The following GNG7 variants were observed in gnomAD, a reference collection of about 807,000 sequenced individuals.
GNG7 encodes the protein guanine nucleotide-binding protein G(I)/G(S)/G(O) subunit gamma-7.
In GNG7, 1 loss-of-function variant was observed where a neutral mutation model predicts 4.0. The observed-to-expected ratio is 0.25, with a 90% CI of 0.09 to 1.18. The LOEUF (loss-of-function observed/expected upper bound fraction) is 1.18. Among genes scored for constraint, GNG7 ranks in the 50% most tolerant of loss-of-function variants. The pLI is 0.50. For missense variants in GNG7, 86 were observed against 91.9 expected (o/e 0.94, Z 0.26); for synonymous variants, 34 against 36.9 (o/e 0.92, Z 0.29).
chr19:2,570,831 T>C (rs1457812237), intron 2 of GNG7, among the ~76,000 whole-genome samples: 1 of 152,146 alleles, frequency 6.6e-6, no homozygotes, highest in East Asian at 1.9e-4. Flanking sequence ...AGGGTCTTGC[T>C]CTGTCACCCA....
At chr19:2,643,306 G>C (rs1210472027) in intron 2 of GNG7, 1 of 424,092 alleles carries the variant, frequency 2.4e-6, no homozygotes, top group Non-Finnish European at 4.7e-6. Flanking sequence ...TGCAAAGTCC[G>C]AGACCTCCCC....
intron 2 of GNG7, among the ~76,000 whole-genome samples, chr19:2,592,735 G>A (rs931172262): frequency 9.4e-5 from 6 of 63,570 alleles, no homozygotes; most frequent in Admixed American, 4.4e-4. Context: ...ACAAGGAGAG[G>A]GAAGGAAGGG....
chr19:2,605,902 T>C (rs1037732428), intron 2 of GNG7, among the ~76,000 whole-genome samples: 3 of 152,162 alleles, frequency 2.0e-5, no homozygotes, highest in Non-Finnish European at 4.4e-5. Context: ...CTTCATGTGA[T>C]CACTTCTGCG....
intron 3 of GNG7, among the ~76,000 whole-genome samples, chr19:2,548,358 G>C (rs1486747345): frequency 6.6e-6 from 1 of 151,220 alleles, no homozygotes; most frequent in Admixed American, 6.6e-5. Flanking sequence ...GCGGGCGCCT[G>C]TAATCCCAGC....
rs1328733813 is a variant in GNG7, at chr19:2,609,185, C to T, written c.-78+37039G>A. Reference sequence around the variant, plus strand: ...GGGATTACAGGCATGCACCACCACACCTGGCTAATTTTTAATTTTTCGTAG... The same window carrying T: ...GGGATTACAGGCATGCACCACCACATCTGGCTAATTTTTAATTTTTCGTAG... On this transcript the variant is annotated intron_variant, in intron 2 of 4. Coordinates refer to ENST00000382159, the MANE Select transcript of GNG7 (RefSeq NM_052847.3). The surrounding 1 kb of genome is among the most constrained non-coding windows in gnomAD (Gnocchi z 4.4). Among the ~76,000 whole-genome samples, 1 of 152,064 alleles carries T rather than the reference C, an allele frequency of 6.6e-6. No homozygotes were observed. Among genetic ancestry groups the T allele is most frequent in the Non-Finnish European group, 1.5e-5 (1 of 68,018 alleles).
At chr19:2,596,273 C>T (rs376704101) in intron 2 of GNG7, among the ~76,000 whole-genome samples, 16 of 152,056 alleles carry the variant, frequency 1.1e-4, no homozygotes, top group Admixed American at 3.3e-4. Flanking sequence ...ACAGGAGAAT[C>T]GCTTGAACCC....
chr19:2,669,171 C>A (rs762959300), intron 1 of GNG7, among the ~76,000 whole-genome samples: 1 of 152,144 alleles, frequency 6.6e-6, no homozygotes, highest in South Asian at 2.1e-4. Context: ...CTGGGCAATG[C>A]TGGTCTAACA....
chr19:2,605,198 T>C lies in GNG7; in HGVS notation c.-78+41026A>G, dbSNP rs140446857. Among the ~76,000 whole-genome samples the C allele has an allele frequency of 5.5e-3, 838 of 152,254 alleles. 11 individuals carry two copies. The highest frequency in any genetic ancestry group is 4.6e-3 in the Non-Finnish European group (313 of 68,010). ...CTCATGTGTCAAATCTCACTGTTGTTTTTTTTGTTTGTTTTTTGAGACAAG... is the reference window on the plus strand; with the variant it reads ...CTCATGTGTCAAATCTCACTGTTGTCTTTTTTGTTTGTTTTTTGAGACAAG... On this transcript the variant is annotated intron_variant, in intron 2 of 4. Transcript: ENST00000382159.
At chr19:2,545,735 C>T (rs369236953) in intron 3 of GNG7, among the ~76,000 whole-genome samples, 1 of 151,086 alleles carries the variant, frequency 6.6e-6, no homozygotes, top group African/African-American at 2.4e-5. Flanking sequence ...GGGTGGATCA[C>T]CTGAGATCAG....
chr19:2,655,814 G>A (rs1982952940), intron 1 of GNG7, among the ~76,000 whole-genome samples: 1 of 142,160 alleles, frequency 7.0e-6, no homozygotes, highest in South Asian at 2.3e-4. Flanking sequence ...ACTCCAGCCT[G>A]GGTGACGGAG....
At chr19:2,621,659 T>C (rs1981873725) in intron 2 of GNG7, among the ~76,000 whole-genome samples, 1 of 152,108 alleles carries the variant, frequency 6.6e-6, no homozygotes, top group Non-Finnish European at 1.5e-5. Context: ...ATGGCACCAC[T>C]GCACTCCAGC....
chr19:2,572,425 C>T (rs1980175415), intron 2 of GNG7, among the ~76,000 whole-genome samples: 1 of 151,812 alleles, frequency 6.6e-6, no homozygotes, highest in Non-Finnish European at 1.5e-5. Context: ...CTACGTAGTT[C>T]CAACACTTTT....
At chr19:2,516,496 T>C (rs1434865787) in intron 4 of GNG7, among the ~76,000 whole-genome samples, 1 of 152,106 alleles carries the variant, frequency 6.6e-6, no homozygotes, top group Non-Finnish European at 1.5e-5. Context: ...AGTGCTGGGA[T>C]TACAGGCGTG....
intron 1 of GNG7, among the ~76,000 whole-genome samples, chr19:2,668,108 T>C (rs1325622146): frequency 2.6e-5 from 4 of 151,904 alleles, no homozygotes; most frequent in African/African-American, 9.7e-5. Flanking sequence ...AAACGCACCA[T>C]GCCATTGGAT....
In GNG7 at chr19:2,513,196, A is replaced by G; in HGVS notation, c.*1826T>C. ...GAACCCTGGCAGTCACCAGCTCAGG[A>G]AGTGAGCCAAGCAGGGATCCCCGCC... On this transcript the variant is annotated 3_prime_UTR_variant, in exon 5 of 5. Coordinates refer to ENST00000382159, the MANE Select transcript of GNG7 (RefSeq NM_052847.3). 1 of 919,462 alleles carries G rather than the reference A, an allele frequency of 1.1e-6. No homozygotes were observed. The highest frequency in any genetic ancestry group is 1.3e-6 in the Non-Finnish European group (1 of 769,762). The allele number at this position is 919,462 out of a possible 1,614,324, so 57.0% of individuals were successfully genotyped here. A position where few individuals can be genotyped will look rare whatever the true frequency, so the allele number is the denominator to read the frequency against.
chr19:2,533,311 A>G (rs890731018), intron 3 of GNG7, among the ~76,000 whole-genome samples: 1 of 151,640 alleles, frequency 6.6e-6, no homozygotes, highest in African/African-American at 2.4e-5. Context: ...GAAGCTGGAT[A>G]TTAGAGGTGC....
intron 3 of GNG7, among the ~76,000 whole-genome samples, chr19:2,554,167 TATATA>T (rs1979474033): frequency 6.9e-6 from 1 of 145,976 alleles, no homozygotes; most frequent in Admixed American, 7.0e-5. Flanking sequence ...TTATATATAA[TATATA>T]ATATATATAT....
rs1010534004 is a variant in GNG7, at chr19:2,517,425, C to G, written c.82-2278G>C. Among the ~76,000 whole-genome samples, 5 of 152,074 alleles carry G rather than the reference C, an allele frequency of 3.3e-5. No individual in the cohort carries two copies. The East Asian group carries it at 9.6e-4, about 29-fold the overall frequency. On this transcript the variant is annotated intron_variant, in intron 4 of 4. Transcript: ENST00000382159. ...TGTCAGCCAGGCTGGAGTGCAGTGG[C>G]GTGATCTCGGCTCACTGCAACCTCC...
intron 2 of GNG7, among the ~76,000 whole-genome samples, chr19:2,591,001 AT>A (rs1980836437): frequency 6.6e-6 from 1 of 152,218 alleles, no homozygotes; most frequent in Non-Finnish European, 1.5e-5. Flanking sequence ...AGAATTCAAT[AT>A]TTGCAAATCC....
Sources: gnomAD v4.1 joint callset for allele counts (sites outside exome capture counted in the v4.1 genomes callset) on GRCh38, gnomAD v4.1.1 for gene constraint, Gnocchi (gnomAD v3.1) non-coding constraint, MANE v1.5 for transcripts, NCBI Gene and HGNC (gene_info 2026-07-23, HGNC 2026-07-21) for gene names.